Variants in DCDC1 observed in about 807,000 individuals in gnomAD.
DCDC1 encodes the protein doublecortin domain-containing protein 1.
A neutral mutation model predicts 178.3 loss-of-function variants in DCDC1; 200 were observed. The ratio of observed to expected loss-of-function variants is 1.12; its 90% CI spans 1.00 to 1.26. The LOEUF is 1.26. Among genes scored for constraint, DCDC1 ranks in the 50% most tolerant of loss-of-function variants. DCDC1 has a pLI of 0.00. For missense variants in DCDC1, 1,983 were observed against 1,749.2 expected (o/e 1.13, Z -2.38); for synonymous variants, 690 against 604.8 (o/e 1.14, Z -2.07).
At chr11:31,137,584 G>C in intron 10 of DCDC1, 108 bp downstream of exon 10, 1 of 580,370 alleles carries the variant, frequency 1.7e-6, no homozygotes, top group Non-Finnish European at 3.1e-6. Flanking sequence ...TCCTGACCTT[G>C]TGATCTTCCC....
chr11:30,919,361 C>T (rs907294742), intron 25 of DCDC1, among the ~76,000 whole-genome samples: 2 of 152,104 alleles, frequency 1.3e-5, no homozygotes, highest in Admixed American at 6.6e-5. Flanking sequence ...AGCAAAAGAG[C>T]CTGCTTGGAA....
intron 20 of DCDC1, among the ~76,000 whole-genome samples, chr11:31,061,947 C>T (rs186583129): frequency 6.8e-4 from 103 of 152,176 alleles, no homozygotes; most frequent in Middle Eastern, 3.4e-3. Flanking sequence ...AAAGTGCAGT[C>T]ATCAGATTGC....
chr11:31,307,049 A>T (rs1196575050), intron 4 of DCDC1, among the ~76,000 whole-genome samples: 1 of 152,134 alleles, frequency 6.6e-6, no homozygotes, highest in Admixed American at 6.6e-5. Context: ...TCTCTAACTA[A>T]CCAAGTTAAT....
intron 9 of DCDC1, among the ~76,000 whole-genome samples, chr11:31,211,294 T>C (rs929434149): frequency 1.3e-5 from 2 of 152,238 alleles, no homozygotes; most frequent in Admixed American, 1.3e-4. Flanking sequence ...CAACTGGCTA[T>C]ACTAGGATAC....
intron 1 of DCDC1, among the ~76,000 whole-genome samples, chr11:31,359,581 T>C (rs1252516646): frequency 6.6e-6 from 1 of 151,666 alleles, no homozygotes; most frequent in South Asian, 2.1e-4. Flanking sequence ...ACTTAAAGTA[T>C]AACAGAAAAA....
Position 31,235,599 on chromosome 11 carries a change from A to G in DCDC1, c.1221+5851T>C, listed in dbSNP as rs368680193. Among the ~76,000 whole-genome samples the G allele has an allele frequency of 2.0e-4, 31 of 152,154 alleles. No individual in the cohort carries two copies. The East Asian group carries it at 6.0e-3, about 29-fold the overall frequency. ...AGTATTATAAAATGAAACAATTTAA[A>G]TAATTTTTAATTAATCAAGAAAAGT... On this transcript the variant is annotated intron_variant, in intron 9 of 38. Coordinates refer to ENST00000684477, the MANE Select transcript of DCDC1 (RefSeq NM_001387274.1).
chr11:31,148,230 AAAAAC>A (rs1964679891), intron 9 of DCDC1, among the ~76,000 whole-genome samples: 3 of 150,896 alleles, frequency 2.0e-5, no homozygotes. Context: ...AAAAAAAAAA[AAAAAC>A]AGGAAAGGAA....
chr11:31,338,523 T>C (rs558099007), intron 1 of DCDC1, among the ~76,000 whole-genome samples: 2 of 152,204 alleles, frequency 1.3e-5, no homozygotes, highest in Admixed American at 1.3e-4. Flanking sequence ...GATTGTGGAG[T>C]AAACTGTTAG....
intron 20 of DCDC1, among the ~76,000 whole-genome samples, chr11:31,010,417 A>T (rs1405061388): frequency 6.6e-6 from 1 of 152,080 alleles, no homozygotes; most frequent in East Asian, 1.9e-4. Context: ...CCGCTATATG[A>T]CCTCTCCGCA....
intron 20 of DCDC1, among the ~76,000 whole-genome samples, chr11:30,991,632 A>C (rs559264465): frequency 2.6e-5 from 4 of 152,128 alleles, no homozygotes; most frequent in Non-Finnish European, 5.9e-5. Flanking sequence ...AAGCCTGCAC[A>C]TTTGATCTCT....
intron 20 of DCDC1, among the ~76,000 whole-genome samples, chr11:31,017,661 C>T (rs907821250): frequency 1.3e-5 from 2 of 151,946 alleles, no homozygotes; most frequent in African/African-American, 4.8e-5. Flanking sequence ...CTCACTGCAG[C>T]CTTGGCCCCC....
intron 20 of DCDC1, among the ~76,000 whole-genome samples, chr11:31,003,384 A>G (rs1468358213): frequency 6.6e-6 from 1 of 152,140 alleles, no homozygotes; most frequent in East Asian, 1.9e-4. Flanking sequence ...TCTATAATTT[A>G]CTGCTGTGGT....
intron 4 of DCDC1, 111 bp downstream of exon 4, chr11:31,307,528 A>C: frequency 4.3e-6 from 6 of 1,403,852 alleles, no homozygotes; most frequent in Non-Finnish European, 4.8e-6. Flanking sequence ...AAAACCCGAG[A>C]GATGTGTTAC....
chr11:31,358,520 A>G (rs1462411805), intron 1 of DCDC1, among the ~76,000 whole-genome samples: 57 of 151,830 alleles, frequency 3.8e-4, no homozygotes, highest in African/African-American at 1.2e-3. Flanking sequence ...TTCAGGACAT[A>G]GGCATGGGCA....
intron 17 of DCDC1, among the ~76,000 whole-genome samples, chr11:31,091,183 C>T (rs1957799350): frequency 6.6e-6 from 1 of 152,142 alleles, no homozygotes. Context: ...GCCAACATTT[C>T]ACCTTTTAAA....
At chr11:30,940,406 T>C (rs377366477) in intron 21 of DCDC1, among the ~76,000 whole-genome samples, 10 of 152,268 alleles carry the variant, frequency 6.6e-5, no homozygotes, top group East Asian at 5.8e-4. Context: ...AGTTCCTGTT[T>C]TTCCATACAC....
intron 7 of DCDC1, among the ~76,000 whole-genome samples, chr11:31,273,157 C>T (rs1945708026): frequency 6.6e-6 from 1 of 152,190 alleles, no homozygotes; most frequent in African/African-American, 2.4e-5. Context: ...GAGACACTTT[C>T]CCCATTGTCT....
chr11:31,155,888 C>T (rs1387204195), intron 9 of DCDC1: 1 of 152,056 alleles, frequency 6.6e-6, no homozygotes, highest in African/African-American at 2.4e-5. Flanking sequence ...TCAATATAAC[C>T]CTAAAAAAAT....
At chr11:30,979,820 T>C (rs1382194471) in intron 20 of DCDC1, among the ~76,000 whole-genome samples, 5 of 152,186 alleles carry the variant, frequency 3.3e-5, no homozygotes, top group Non-Finnish European at 7.4e-5. Context: ...AGTCACCCAA[T>C]AAATATTCGT....
Sources: gnomAD v4.1 joint callset for allele counts (sites outside exome capture counted in the v4.1 genomes callset) on GRCh38, gnomAD v4.1.1 for gene constraint, MANE v1.5 for transcripts, NCBI Gene and HGNC (gene_info 2026-07-23, HGNC 2026-07-21) for gene names.